Variants in MMP26 observed in about 807,000 individuals in gnomAD.
MMP26 encodes matrix metalloproteinase-26.
A neutral mutation model predicts 31.0 loss-of-function variants in MMP26; 33 were observed. The ratio of observed to expected loss-of-function variants is 1.06; its 90% CI spans 0.81 to 1.42. The LOEUF is 1.42. Among genes scored for constraint, MMP26 ranks in the 40% most tolerant of loss-of-function variants. MMP26 has a pLI of 0.00. For missense variants in MMP26, 347 were observed against 316.1 expected, an observed-to-expected ratio of 1.10 and a Z score of -0.74; for synonymous variants, 122 against 114.9, an observed-to-expected ratio of 1.06 and a Z score of -0.40.
intron 2 of MMP26, chr11:4,955,630 C>A: frequency 6.6e-7 from 1 of 1,504,570 alleles, no homozygotes; most frequent in Non-Finnish European, 9.2e-7. Context: ...GGATAGAGAT[C>A]CAGATGTGTG....
At chr11:4,986,930 T>C (rs867405324) in intron 2 of MMP26, among the ~76,000 whole-genome samples, 11 of 90,282 alleles carry the variant, frequency 1.2e-4, no homozygotes, top group South Asian at 8.9e-4. Flanking sequence ...TCTCTCTCTC[T>C]CCCTCTCTCT....
At chr11:4,764,206 T>C (rs1589893354) in intron 1 of MMP26, among the ~76,000 whole-genome samples, 1 of 152,238 alleles carries the variant, frequency 6.6e-6, no homozygotes, top group Non-Finnish European at 1.5e-5. Flanking sequence ...TTAGTACTTT[T>C]GCCTTAAGCA....
rs771890155 is a variant in MMP26, at chr11:4,990,727, G to A, written c.450G>A (p.Lys150=). 3.8e-5 allele frequency: 61 copies of A among 1,613,864 alleles called. No individual in the cohort carries two copies. The highest frequency in any genetic ancestry group is 4.2e-5 in the Non-Finnish European group (50 of 1,179,950). Residue 150 remains lysine (K), a synonymous_variant, in exon 5 of 8, where the codon AAG becomes AAA. Transcript: ENST00000380390. ...QQVQNGDADI[K]VSFWQWAHED... is the part of the protein sequence containing the mutation. ...TGCAGAATGGAGATGCAGACATCAA[G>A]GTTTCTTTCTGGCAGTGGGGTAAGA... is the stretch of plus-strand genomic sequence containing the variant.
rs951281239 is a variant in MMP26, at chr11:4,908,416, G to C, written c.-144-79652G>C. The C allele has an allele frequency of 5.4e-6, 5 of 917,870 alleles. No individual in the cohort carries two copies. In the African/African-American group the frequency reaches 8.2e-5, roughly 15 times the overall value. 56.9% of individuals were successfully genotyped at this position (917,870 alleles called of 1,614,324 possible). On this transcript the variant is annotated intron_variant, in intron 2 of 7. Transcript: ENST00000380390. ...TAATGAAGGACTGGATGATGGAAGT[G>C]AAAAGCTATGTAGTGCAGAATTTAT...
rs1160572115 is a variant in MMP26 at position 4,947,139 on chromosome 11, C to G, written c.-144-40929C>G. The G allele has an allele frequency of 7.7e-6, 9 of 1,166,652 alleles. 2 individuals carry two copies. The highest frequency in any genetic ancestry group is 1.1e-5 in the Non-Finnish European group (9 of 841,290). The allele number at this position is 1,166,652 out of a possible 1,614,324, so 72.3% of individuals were successfully genotyped here. A position where few individuals can be genotyped will look rare whatever the true frequency, so the allele number is the denominator to read the frequency against. ...GGCTCTGCTATGAAAAATACAGATG[C>G]TTGTGTTGGTAAAATAGGAATATCT... On this transcript the variant is annotated intron_variant, in intron 2 of 7. Coordinates refer to ENST00000380390, the MANE Select transcript of MMP26 (RefSeq NM_021801.5).
At chr11:4,890,809 C>T (rs998724947) in intron 2 of MMP26, among the ~76,000 whole-genome samples, 1 of 151,858 alleles carries the variant, frequency 6.6e-6, no homozygotes, top group African/African-American at 2.4e-5. Flanking sequence ...AATATGGGTA[C>T]TTGCATACAT....
chr11:4,945,846 A>T (rs148536161), intron 2 of MMP26: 8 of 372,684 alleles, frequency 2.1e-5, no homozygotes, highest in Non-Finnish European at 4.0e-5. Flanking sequence ...TTGAATGTAG[A>T]TAATGAGAAA....
chr11:4,896,594 A>C (rs1024233744), intron 2 of MMP26, among the ~76,000 whole-genome samples: 4 of 152,188 alleles, frequency 2.6e-5, no homozygotes, highest in Non-Finnish European at 4.4e-5. Context: ...GCTACCAAGA[A>C]ATCACTTAAC....
At chr11:4,881,877 T>C in intron 2 of MMP26, 1 of 1,594,224 alleles carries the variant, frequency 6.3e-7, no homozygotes, top group Non-Finnish European at 8.6e-7. Flanking sequence ...TCTTTCCTCA[T>C]AGTTCAGTGT....
chr11:4,974,683 C>A (rs369851968), intron 2 of MMP26, among the ~76,000 whole-genome samples: 2 of 152,062 alleles, frequency 1.3e-5, no homozygotes, highest in Non-Finnish European at 2.9e-5. Context: ...AGTGCCTTTG[C>A]ATCATCTTCT....
At chr11:4,947,144 G>C in intron 2 of MMP26, 1 of 1,157,744 alleles carries the variant, frequency 8.6e-7, no homozygotes, top group Non-Finnish European at 1.2e-6. Context: ...AGATGCTTGT[G>C]TTGGTAAAAT....
intron 2 of MMP26, among the ~76,000 whole-genome samples, chr11:4,922,832 T>G (rs1851204015): frequency 6.6e-6 from 1 of 152,174 alleles, no homozygotes; most frequent in Non-Finnish European, 1.5e-5. Context: ...CTCCTCCTTT[T>G]CTTAATTTTG....
At chr11:4,724,623 A>G (rs1299993104) in intron 1 of MMP26, among the ~76,000 whole-genome samples, 1 of 152,240 alleles carries the variant, frequency 6.6e-6, no homozygotes, top group Non-Finnish European at 1.5e-5. Context: ...AAATCTAAAG[A>G]TAAGGTTGCT....
intron 2 of MMP26, chr11:4,955,728 G>A: frequency 6.4e-7 from 1 of 1,565,870 alleles, no homozygotes; most frequent in Non-Finnish European, 8.7e-7. Flanking sequence ...CATTCATAGG[G>A]CTCTGCTATG....
At chr11:4,819,419 C>A (rs1849463291) in intron 2 of MMP26, among the ~76,000 whole-genome samples, 2 of 151,596 alleles carry the variant, frequency 1.3e-5, no homozygotes, top group African/African-American at 2.4e-5. Context: ...AACAAGAAAA[C>A]TGAAACAGTC....
chr11:4,761,797 C>A (rs1168347349), intron 1 of MMP26, among the ~76,000 whole-genome samples: 1 of 152,000 alleles, frequency 6.6e-6, no homozygotes, highest in Non-Finnish European at 1.5e-5. Context: ...AAAGTATCTC[C>A]AGGTAATAGC....
chr11:4,792,654 C>A (rs1433911), intron 2 of MMP26, among the ~76,000 whole-genome samples: 30,418 of 151,944 alleles, frequency 0.2, 3,375 homozygotes, highest in African/African-American at 0.29. Context: ...CACGAAAATC[C>A]GATAGAGAGT....
At position 4,924,172 on chromosome 11, in the gene MMP26, A is replaced by G. The variant is rs1290468858; in HGVS notation, c.-144-63896A>G. The G allele has an allele frequency of 2.5e-6, 4 of 1,614,168 alleles. No homozygotes were observed. The South Asian group carries it at 4.4e-5, about 18-fold the overall frequency. On this transcript the variant is annotated intron_variant, in intron 2 of 7. Coordinates refer to ENST00000380390, the MANE Select transcript of MMP26 (RefSeq NM_021801.5). ...AGAAATAGTACATGGGTCCATGGAG[A>G]GTGGCATCAGTACAAATGACGTGGA...
intron 2 of MMP26, chr11:4,924,460 T>C: frequency 2.0e-6 from 2 of 1,006,700 alleles, no homozygotes; most frequent in Non-Finnish European, 2.9e-6. Context: ...CATCTGCAGA[T>C]GGCATAGGGG....
Sources: allele counts gnomAD v4.1 joint callset (sites outside exome capture counted in the v4.1 genomes callset), GRCh38; gene constraint gnomAD v4.1.1; transcripts MANE v1.5; gene names NCBI Gene and HGNC (gene_info 2026-07-23, HGNC 2026-07-21).